The following ZNF417 variants were observed in gnomAD, a reference collection of about 807,000 sequenced individuals.
The protein encoded by ZNF417 is zinc finger protein 417.
Under a neutral mutation model 7.4 loss-of-function variants are expected in ZNF417, and 5 were observed. The observed-to-expected ratio is 0.68, with a 90% confidence interval of 0.35 to 1.43. The LOEUF is 1.43. ZNF417 is among the 40% of genes most tolerant of loss of function. ZNF417 has a pLI of 0.04. For synonymous variants in ZNF417, 147 were observed against 239.1 expected, an observed-to-expected ratio of 0.61 and a Z score of 3.55; for missense variants, 437 against 697.3, an observed-to-expected ratio of 0.63 and a Z score of 4.20.
At position 57,906,361 on chromosome 19, in the gene ZNF417, C is replaced by A. The variant is rs1282855442; in HGVS notation, c.*2189G>T. ...TGTAATACAAGGTGACATTTAGGGG[C>A]TGAGACTGTTAACATCTGACTGTAC... On this transcript the variant is annotated 3_prime_UTR_variant, in exon 3 of 3. Coordinates refer to ENST00000312026, the MANE Select transcript of ZNF417 (RefSeq NM_152475.3). Among the ~76,000 whole-genome samples the A allele has an allele frequency of 1.3e-5, 2 of 152,034 alleles. No homozygotes were observed. Among genetic ancestry groups the A allele is most frequent in the African/African-American group, 4.8e-5 (2 of 41,378 alleles).
At chr19:57,916,592 TAG>T (rs2071953232), upstream of ZNF417, 4 of 1,459,146 alleles carry the variant, frequency 2.7e-6, no homozygotes, top group Non-Finnish European at 2.7e-6. Flanking sequence ...CAGCCGCTAC[TAG>T]AGACCCCGGA....
intron 2 of ZNF417, among the ~76,000 whole-genome samples, chr19:57,911,180 G>C (rs2071896346): frequency 6.6e-6 from 1 of 152,208 alleles, no homozygotes; most frequent in Admixed American, 6.5e-5. Flanking sequence ...TCAGAGACAA[G>C]TGCAGATGAA....
At chr19:57,910,363 T>C (rs1403994456) in intron 2 of ZNF417, among the ~76,000 whole-genome samples, 1 of 151,008 alleles carries the variant, frequency 6.6e-6, no homozygotes, top group Non-Finnish European at 1.5e-5. Flanking sequence ...GTGACCAACA[T>C]GGTGAAAACC....
At position 57,910,119 on chromosome 19, in the gene ZNF417, G is replaced by A. The variant is rs200133057; in HGVS notation, c.164-5C>T. The A allele has an allele frequency of 2.7e-4, 428 of 1,605,464 alleles. 1 individual carries two copies. Among genetic ancestry groups the A allele is most frequent in the African/African-American group, 1.1e-3 (83 of 74,256 alleles). On this transcript the variant is annotated splice_region_variant and splice_polypyrimidine_tract_variant and intron_variant, in intron 2 of 2. Coordinates refer to ENST00000312026, the MANE Select transcript of ZNF417 (RefSeq NM_152475.3). ...CTTTTGATCCACACCAACAACCTGA[G>A]AGCAAGAAAATGCTGGTCAAGTGCA... is the stretch of plus-strand genomic sequence containing the variant.
In ZNF417 at chr19:57,906,047, C is replaced by G. The variant is rs78462426; in HGVS notation, c.*2503G>C. On this transcript the variant is annotated 3_prime_UTR_variant, in exon 3 of 3. Coordinates refer to ENST00000312026, the MANE Select transcript of ZNF417 (RefSeq NM_152475.3). The stretch of plus-strand genomic sequence containing the variant: ...GTGGTACCATCTCAGCTGATTGCAA[C>G]CTCCATTTCCGAGGAAGGCTCCTTA... Among the ~76,000 whole-genome samples, 17,847 of 152,044 alleles carry G rather than the reference C, an allele frequency of 0.12. 1,322 individuals are homozygous for G. Among genetic ancestry groups the G allele is most frequent in the Non-Finnish European group, 0.15 (10,265 of 67,966 alleles).
intron 1 of ZNF417, among the ~76,000 whole-genome samples, chr19:57,914,109 C>T (rs559833191): frequency 2.6e-5 from 4 of 152,168 alleles, no homozygotes; most frequent in African/African-American, 9.6e-5. Context: ...GCTGATGCAG[C>T]GTCCATGGTT....
Position 57,912,244 on chromosome 19 carries a change from C to A in ZNF417, c.34-55G>T. 1.9e-6 allele frequency: 3 copies of A among 1,607,632 alleles called. No individual in the cohort carries two copies. In the South Asian group the frequency reaches 3.3e-5, roughly 18 times the overall value. ...AGCCCCTCTGCTGAGGTACCACAAC[C>A]CACCTCTCCCACACACCCACACTTG... On this transcript the variant is annotated intron_variant, in intron 1 of 2. Coordinates refer to ENST00000312026, the MANE Select transcript of ZNF417 (RefSeq NM_152475.3).
At position 57,908,760 on chromosome 19, in the gene ZNF417, C is replaced by T. The variant is rs993111419; in HGVS notation, c.1518G>A (p.Ala506=). ...ECGKSFLSSS[A]LHVHKRVHSG... ...AATGAACTCTTTTATGAACATGAAG[C>T]GCAGAGCTGGAAAGAAATGATTTCC... The change falls in exon 3 of 3, where the codon GCG becomes GCA. Residue 506 remains alanine (A), a synonymous_variant. Transcript: ENST00000312026. 1.5e-5 allele frequency: 25 copies of T among 1,613,334 alleles called. No individual in the cohort carries two copies. Among genetic ancestry groups the T allele is most frequent in the African/African-American group, 6.7e-5 (5 of 74,884 alleles).
intron 1 of ZNF417, among the ~76,000 whole-genome samples, chr19:57,913,660 T>C (rs185248743): frequency 6.6e-6 from 1 of 152,228 alleles, no homozygotes; most frequent in African/African-American, 2.4e-5. Context: ...CTTACTCCTA[T>C]GCTTCTGCAT....
chr19:57,915,539 A>G, intron 1 of ZNF417: 1 of 438,380 alleles, frequency 2.3e-6, no homozygotes, highest in Non-Finnish European at 4.2e-6. Flanking sequence ...TAACTGAGGA[A>G]ATTATGACAG....
At chr19:57,915,013 T>C (rs908893810) in intron 1 of ZNF417, among the ~76,000 whole-genome samples, 2 of 152,178 alleles carry the variant, frequency 1.3e-5, no homozygotes, top group African/African-American at 4.8e-5. Flanking sequence ...CCCTAAGTGC[T>C]TCTGCAGCCA....
intron 1 of ZNF417, among the ~76,000 whole-genome samples, chr19:57,914,959 G>C (rs2071934524): frequency 2.0e-5 from 3 of 152,182 alleles, no homozygotes. Flanking sequence ...ATGGGGTCAA[G>C]ACCAATGAGG....
intron 1 of ZNF417, among the ~76,000 whole-genome samples, chr19:57,912,821 G>C (rs1008402906): frequency 4.0e-5 from 6 of 151,758 alleles, no homozygotes; most frequent in Non-Finnish European, 8.8e-5. Flanking sequence ...CACCATGTTG[G>C]CCAGGCTGGT....
chr19:57,907,562 A>T lies in ZNF417; in HGVS notation c.*988T>A, dbSNP rs1213695638. On this transcript the variant is annotated 3_prime_UTR_variant, in exon 3 of 3. Transcript: ENST00000312026. ...GCTCCCTGCCTCCGGGTCCCTCAGA[A>T]TGTCCCATCTCCCTGTCAGTATCAG... The T allele has an allele frequency of 6.5e-6, 1 of 154,842 alleles. No individual in the cohort carries two copies. Among genetic ancestry groups the T allele is most frequent in the African/African-American group, 2.4e-5 (1 of 41,532 alleles). The allele number at this position is 154,842 out of a possible 1,614,324, so 9.6% of individuals were successfully genotyped here. A position where few individuals can be genotyped will look rare whatever the true frequency, so the allele number is the denominator to read the frequency against.
rs1568531400 is a variant in ZNF417, at chr19:57,916,414, G to A, written c.-3C>T. 6.2e-7 allele frequency: 1 copy of A among 1,614,142 alleles called. No homozygotes were observed. The highest frequency in any genetic ancestry group is 1.1e-5 in the South Asian group (1 of 91,080). On this transcript the variant is annotated 5_prime_UTR_variant, in exon 1 of 3. Coordinates refer to ENST00000312026, the MANE Select transcript of ZNF417 (RefSeq NM_152475.3). The stretch of plus-strand genomic sequence containing the variant: ...CGCCTCGGCGCAGCCGCTGCCATCG[G>A]ACTACTTGGGGAAGCACGGCCCGGG...
chr19:57,916,527 C>T lies in ZNF417; in HGVS notation c.-116G>A, dbSNP rs755470486. 8 of 1,562,944 alleles carry T rather than the reference C, an allele frequency of 5.1e-6. No homozygotes were observed. In the African/African-American group the frequency reaches 6.8e-5, roughly 13 times the overall value. On this transcript the variant is annotated 5_prime_UTR_variant, in exon 1 of 3. Transcript: ENST00000312026. ...ACCTTCTAGGTTCAGTCACCGCGGT[C>T]CCCCCCCAGCACTCAGGGGCCACAA...
Position 57,909,161 on chromosome 19 carries a change from C to T in ZNF417, c.1117G>A (p.Val373Ile), listed in dbSNP as rs2071868537. Residue 373 changes from valine (V) to isoleucine (I), a missense_variant, in exon 3 of 3, where the codon GTT (valine) becomes ATT (isoleucine). Coordinates refer to ENST00000312026, the MANE Select transcript of ZNF417 (RefSeq NM_152475.3). ...TTGTAAGGCCTTTCTCCAGTGTGAA[C>T]ACGCTGATGGTTAATAAAGCAGAAC... ...QKFCFINHQR[V>I]HTGERPYKCG... is the part of the protein sequence containing the mutation. 4 of 1,614,038 alleles carry T rather than the reference C, an allele frequency of 2.5e-6. 1 individual carries two copies. In the Admixed American group the frequency reaches 6.7e-5, roughly 27 times the overall value.
Position 57,909,096 on chromosome 19 carries a change from G to A in ZNF417, c.1182C>T (p.Asn394=), listed in dbSNP as rs2071867335. The change falls in exon 3 of 3, where the codon AAC becomes AAT. Residue 394 remains asparagine, a synonymous_variant. Coordinates refer to ENST00000312026, the MANE Select transcript of ZNF417 (RefSeq NM_152475.3). ...ECGKSFGQKG[N]LVQHQRGHTG... ...TATGACCTCGCTGATGTTGAACGAG[G>A]TTGCCCTTTTGACCAAAAGATTTTC... 1 of 1,614,076 alleles carries A rather than the reference G, an allele frequency of 6.2e-7. No individual in the cohort carries two copies. The highest frequency in any genetic ancestry group is 1.7e-5 in the Admixed American group (1 of 60,004).
intron 1 of ZNF417, 149 bp from the exon 2 acceptor site, chr19:57,912,338 G>A: frequency 3.6e-6 from 5 of 1,397,440 alleles, no homozygotes; most frequent in Non-Finnish European, 4.8e-6. Context: ...GTCTCTTCAT[G>A]GGCCCACTGG....
Sources: allele counts gnomAD v4.1 joint callset (sites outside exome capture counted in the v4.1 genomes callset), GRCh38; gene constraint gnomAD v4.1.1; transcripts MANE v1.5; gene names NCBI Gene and HGNC (gene_info 2026-07-23, HGNC 2026-07-21).